SLC25A26: variants seen among roughly 807,000 people sequenced by gnomAD.
The protein encoded by SLC25A26 is solute carrier family 25 member 26, also known as mitochondrial S-adenosylmethionine carrier protein.
A neutral mutation model predicts 37.8 loss-of-function variants in SLC25A26; 36 were observed. That is an observed-to-expected ratio of 0.95 (90% confidence interval 0.73 to 1.26). The LOEUF (loss-of-function observed/expected upper bound fraction) is 1.26, where lower values mean the gene tolerates loss of function less well. SLC25A26 is among the 50% of genes most tolerant of loss of function. The pLI, the probability that SLC25A26 is intolerant of heterozygous loss-of-function variation, is 0.00. For missense variants in SLC25A26, 390 were observed against 331.1 expected, an observed-to-expected ratio of 1.18 and a Z score of -1.38; for synonymous variants, 129 against 122.5, an observed-to-expected ratio of 1.05 and a Z score of -0.35.
chr3:66,372,180 G>C lies in SLC25A26; in HGVS notation c.707+1578G>C, dbSNP rs140239311. Among the ~76,000 whole-genome samples, 783 of 152,326 alleles carry C rather than the reference G, an allele frequency of 5.1e-3. 12 individuals carry two copies. Among genetic ancestry groups the C allele is most frequent in the African/African-American group, 0.018 (736 of 41,564 alleles). On this transcript the variant is annotated intron_variant, in intron 9 of 9. Coordinates refer to ENST00000354883, the MANE Select transcript of SLC25A26 (RefSeq NM_001379210.1). Reference sequence around the variant, plus strand: ...GAAGTCACATTCAGTGGCTTTTTTAGACTGTAAAACCAAACTGCCAAATTT... The same window carrying C: ...GAAGTCACATTCAGTGGCTTTTTTACACTGTAAAACCAAACTGCCAAATTT...
chr3:66,368,090 A>G (rs1055731029), intron 7 of SLC25A26, among the ~76,000 whole-genome samples: 1 of 152,182 alleles, frequency 6.6e-6, no homozygotes, highest in Non-Finnish European at 1.5e-5. Context: ...GAGGCTTGGT[A>G]TAATCTTATT....
In SLC25A26 at chr3:66,276,408, A is replaced by C. The variant is rs145294421; in HGVS notation, c.453+13029A>C. Among the ~76,000 whole-genome samples, 403 of 152,244 alleles carry C rather than the reference A, an allele frequency of 2.6e-3. 2 individuals carry two copies. Among genetic ancestry groups the C allele is most frequent in the African/African-American group, 9.1e-3 (378 of 41,566 alleles). On this transcript the variant is annotated intron_variant, in intron 5 of 9. Coordinates refer to ENST00000354883, the MANE Select transcript of SLC25A26 (RefSeq NM_001379210.1). ...TTTTTCAGTAAATCCTAAGAAAATA[A>C]TGTGATGGGGGATCTACAAGACTTG...
At chr3:66,211,000 G>A (rs928793183) in intron 1 of SLC25A26, among the ~76,000 whole-genome samples, 3,131 of 152,284 alleles carry the variant, frequency 0.021, 109 homozygotes, top group African/African-American at 0.072. Context: ...AGAGGCTGTG[G>A]CACTGCACCT....
At position 66,325,417 on chromosome 3, in the gene SLC25A26, G is replaced by A. The variant is rs763564008; in HGVS notation, c.454-20947G>A. 1.6e-3 allele frequency among the ~76,000 whole-genome samples: 242 copies of A among 152,314 alleles called. 1 individual carries two copies. Among genetic ancestry groups the A allele is most frequent in the Non-Finnish European group, 2.3e-3 (154 of 68,028 alleles). On this transcript the variant is annotated intron_variant, in intron 5 of 9. Transcript: ENST00000354883. ...GCATAGGGGAAACATCTGTTAAGAA[G>A]ATCAGTGTGGGCCTTGCTTTTGCCT... is the stretch of plus-strand genomic sequence containing the variant.
intron 1 of SLC25A26, among the ~76,000 whole-genome samples, chr3:66,203,164 T>C (rs2071131737): frequency 6.6e-6 from 1 of 152,162 alleles, no homozygotes; most frequent in East Asian, 1.9e-4. Flanking sequence ...GAGGATCTCT[T>C]GAGCCCAGGA....
chr3:66,169,590 T>G (rs1436488204), intron 1 of SLC25A26, among the ~76,000 whole-genome samples: 1 of 152,204 alleles, frequency 6.6e-6, no homozygotes. Flanking sequence ...GGTTTCGCCC[T>G]TAGAATTTCA....
intron 1 of SLC25A26, among the ~76,000 whole-genome samples, chr3:66,209,295 CTATA>C (rs1466076875): frequency 8.2e-5 from 11 of 134,770 alleles, no homozygotes; most frequent in Non-Finnish European, 1.4e-4. Context: ...TAATATATAG[CTATA>C]TGTATGTATA....
At chr3:66,214,115 G>T (rs952474843) in intron 1 of SLC25A26, among the ~76,000 whole-genome samples, 17 of 152,122 alleles carry the variant, frequency 1.1e-4, no homozygotes, top group Non-Finnish European at 2.1e-4. Flanking sequence ...GGTTGAGCCT[G>T]GTGGGAGGTG....
intron 5 of SLC25A26, among the ~76,000 whole-genome samples, chr3:66,295,761 G>C (rs912556225): frequency 6.6e-6 from 1 of 151,306 alleles, no homozygotes; most frequent in Admixed American, 6.6e-5. Flanking sequence ...GCCTCCCAAA[G>C]TGCTGGGATT....
rs1304623560 is a variant in SLC25A26, at chr3:66,245,238, C to T, written c.300+1926C>T. Among the ~76,000 whole-genome samples, 6 of 113,340 alleles carry T rather than the reference C, an allele frequency of 5.3e-5. No homozygotes were observed. In the East Asian group the frequency reaches 1.5e-3, roughly 29 times the overall value. 74.4% of individuals were successfully genotyped at this position (113,340 alleles called of 152,430 possible). A position where few individuals can be genotyped will look rare whatever the true frequency, so the allele number is the denominator to read the frequency against. ...TGATATTTTAAACCGAAATCGTAAA[C>T]ACAGTTATGATTAAAAAAAAAAAAA... On this transcript the variant is annotated intron_variant, in intron 3 of 9. Transcript: ENST00000354883.
At chr3:66,255,363 T>G (rs781928521) in intron 3 of SLC25A26, among the ~76,000 whole-genome samples, 3 of 152,202 alleles carry the variant, frequency 2.0e-5, no homozygotes, top group Non-Finnish European at 2.9e-5. Flanking sequence ...ATTTTATTTA[T>G]GCCAAAGGAA....
At chr3:66,192,467 T>C (rs967467450) in intron 1 of SLC25A26, among the ~76,000 whole-genome samples, 17 of 152,206 alleles carry the variant, frequency 1.1e-4, no homozygotes. Flanking sequence ...GATTTTGGAC[T>C]TCCCAGCCTC....
intron 1 of SLC25A26, among the ~76,000 whole-genome samples, chr3:66,199,382 C>T (rs1314712788): frequency 3.3e-5 from 5 of 151,910 alleles, no homozygotes; most frequent in Non-Finnish European, 4.4e-5. Flanking sequence ...GACTCTTATC[C>T]TAAACCTCAC....
chr3:66,218,179 G>GT (rs1383008667), upstream of SLC25A26, among the ~76,000 whole-genome samples: 267 of 151,430 alleles, frequency 1.8e-3, no homozygotes, highest in African/African-American at 6.1e-3. Context: ...ATTCATGTCC[G>GT]TTTATTGTTG....
rs1159734636 is a variant in SLC25A26 at position 66,209,898 on chromosome 3, TTATATATATATATATATATATATA to T, written c.-353-10818_-353-10795del. On this transcript the variant is annotated intron_variant, in intron 1 of 10. Transcript: ENST00000676754. Reference sequence around the variant, plus strand: ...TATACTCCTCTCTCTCTCTCTCTATTTATATATATATATATATATATATATATATATATATATATATATATATAT... The same window carrying T: ...TATACTCCTCTCTCTCTCTCTCTATTTATATATATATATATATATATATAT... 3.0e-3 allele frequency among the ~76,000 whole-genome samples: 116 copies of T among 38,616 alleles called. 5 individuals carry two copies. The highest frequency in any genetic ancestry group is 5.2e-3 in the Admixed American group (12 of 2,286). The allele number at this position is 38,616 out of a possible 152,430, so 25.3% of individuals were successfully genotyped here.
intron 2 of SLC25A26, 29 bp from the exon 3 acceptor site, chr3:66,243,174 G>C (rs782515937): frequency 2.6e-6 from 3 of 1,153,378 alleles, no homozygotes; most frequent in Middle Eastern, 2.1e-4. Flanking sequence ...TTTAAACTTT[G>C]TGAAAGACTG....
chr3:66,154,464 A>G (rs972423338), intron 1 of SLC25A26, among the ~76,000 whole-genome samples: 1 of 152,074 alleles, frequency 6.6e-6, no homozygotes, highest in African/African-American at 2.4e-5. Flanking sequence ...GGAAAATGAA[A>G]AACCCTGGGC....
At chr3:66,168,068 G>A (rs1373497810) in intron 1 of SLC25A26, among the ~76,000 whole-genome samples, 1 of 150,832 alleles carries the variant, frequency 6.6e-6, no homozygotes, top group Non-Finnish European at 1.5e-5. Context: ...CAGGAAAATA[G>A]CTTGAACCCG....
chr3:66,292,785 G>T (rs1407762100), intron 5 of SLC25A26, among the ~76,000 whole-genome samples: 1 of 152,090 alleles, frequency 6.6e-6, no homozygotes, highest in African/African-American at 2.4e-5. Flanking sequence ...TTCTCGAGGA[G>T]TATCTTAGTG....
Sources: allele counts gnomAD v4.1 joint callset (sites outside exome capture counted in the v4.1 genomes callset), GRCh38; gene constraint gnomAD v4.1.1; transcripts MANE v1.5; gene names NCBI Gene and HGNC (gene_info 2026-07-23, HGNC 2026-07-21).